CPD: variants seen among roughly 807,000 people sequenced by gnomAD.
CPD encodes carboxypeptidase D.
In CPD, 69 loss-of-function variants were observed where a neutral mutation model predicts 138.3. The ratio of observed to expected loss-of-function variants is 0.50; its 90% CI spans 0.41 to 0.61. CPD has a LOEUF of 0.61. Ranked by LOEUF, CPD falls within the 20% of genes least tolerant of loss-of-function variation. The pLI, the probability that CPD is intolerant of heterozygous loss-of-function variation, is 0.00. For synonymous variants in CPD, 651 were observed against 642.1 expected, an observed-to-expected ratio of 1.01 and a Z score of -0.21; for missense variants, 1,432 against 1,733.3, an observed-to-expected ratio of 0.83 and a Z score of 3.09.
At position 30,431,471 on chromosome 17, in the gene CPD, G is replaced by GT. The variant is rs574516491; in HGVS notation, c.2018-294dup. Among the ~76,000 whole-genome samples the GT allele has an allele frequency of 2.1e-3, 313 of 152,080 alleles. 4 individuals carry two copies. The highest frequency in any genetic ancestry group is 6.7e-3 in the African/African-American group (280 of 41,510). ...GATTTTGATGGAATCCCGTATATCT[G>GT]TTTTTTTCTTTTGTTGCTAGTCCTT... On this transcript the variant is annotated intron_variant, in intron 7 of 20. Coordinates refer to ENST00000225719, the MANE Select transcript of CPD (RefSeq NM_001304.5).
Position 30,379,175 on chromosome 17 carries a change from G to A in CPD, c.195G>A (p.Glu65=). The change falls in exon 1 of 21, where the codon GAG becomes GAA. Residue 65 remains glutamate, a synonymous_variant. Coordinates refer to ENST00000225719, the MANE Select transcript of CPD (RefSeq NM_001304.5). The surrounding 1 kb of genome is among the most constrained non-coding windows in gnomAD (Gnocchi z 7.0). ...FDRYYHEEEL[E]SALREAAAAG... Reference sequence around the variant, plus strand: ...GCTACTACCACGAAGAGGAGTTGGAGTCGGCGCTGAGGGAGGCGGCGGCCG... The same window carrying A: ...GCTACTACCACGAAGAGGAGTTGGAATCGGCGCTGAGGGAGGCGGCGGCCG... 6.5e-7 allele frequency: 1 copy of A among 1,534,052 alleles called. No homozygotes were observed. The highest frequency in any genetic ancestry group is 8.7e-7 in the Non-Finnish European group (1 of 1,143,932).
chr17:30,381,487 A>C (rs1316151673), intron 1 of CPD, among the ~76,000 whole-genome samples: 1 of 152,224 alleles, frequency 6.6e-6, no homozygotes, highest in Non-Finnish European at 1.5e-5. Flanking sequence ...CCCTAATCAT[A>C]TCTGTTCTTC....
At chr17:30,458,097 G>A (rs1913346942) in intron 17 of CPD, among the ~76,000 whole-genome samples, 1 of 152,112 alleles carries the variant, frequency 6.6e-6, no homozygotes. Flanking sequence ...GGGAGGCTGA[G>A]GCAGGAGAAT....
Position 30,395,196 on chromosome 17 carries a change from C to CTTT in CPD, c.994+9979_994+9981dup, listed in dbSNP as rs35079822. On this transcript the variant is annotated intron_variant, in intron 2 of 20. Coordinates refer to ENST00000225719, the MANE Select transcript of CPD (RefSeq NM_001304.5). ...ATATATATAAATGAACAGATGGGTG[C>CTTT]TTTTTTTTTTTTTTTTTTTTTACCT... Among the ~76,000 whole-genome samples, 238 of 97,778 alleles carry CTTT rather than the reference C, an allele frequency of 2.4e-3. 1 individual carries two copies. Among genetic ancestry groups the CTTT allele is most frequent in the African/African-American group, 8.1e-3 (212 of 26,156 alleles). 64.1% of individuals were successfully genotyped at this position (97,778 alleles called of 152,430 possible). A position where few individuals can be genotyped will look rare whatever the true frequency, so the allele number is the denominator to read the frequency against.
intron 17 of CPD, among the ~76,000 whole-genome samples, chr17:30,458,885 AAAAG>A (rs1421961857): frequency 2.0e-5 from 3 of 151,844 alleles, no homozygotes; most frequent in Admixed American, 1.3e-4. Context: ...AAAAAGAAAA[AAAAG>A]AGTTTTATGG....
At chr17:30,457,089 T>C (rs1318107641) in intron 17 of CPD, among the ~76,000 whole-genome samples, 1 of 152,116 alleles carries the variant, frequency 6.6e-6, no homozygotes, top group African/African-American at 2.4e-5. Context: ...CAAAACTTCA[T>C]TTGCCCCAGA....
At chr17:30,413,905 G>A (rs2041374) in intron 2 of CPD, among the ~76,000 whole-genome samples, 78,784 of 151,968 alleles carry the variant, frequency 0.52, 21,092 homozygotes, top group East Asian at 0.82. Flanking sequence ...AGAGAGCTGG[G>A]GTTGAGGGAG....
rs565075892 is a variant in CPD, at chr17:30,446,167, G to T, written c.2873+147G>T. 9.1e-4 allele frequency: 570 copies of T among 626,300 alleles called. 1 individual carries two copies. The highest frequency in any genetic ancestry group is 1.4e-3 in the Non-Finnish European group (512 of 369,622). 38.8% of individuals were successfully genotyped at this position (626,300 alleles called of 1,614,324 possible). On this transcript the variant is annotated intron_variant, in intron 12 of 20. Coordinates refer to ENST00000225719, the MANE Select transcript of CPD (RefSeq NM_001304.5). ...TTTACTTATTTTGCAACATGTATTT[G>T]CTTGGAGATCTTTTTTTTTTAATTA...
intron 17 of CPD, 39 bp downstream of exon 17, chr17:30,456,565 C>G (rs769292663): frequency 6.3e-7 from 1 of 1,586,436 alleles, no homozygotes. Flanking sequence ...GAGTTATGGC[C>G]AGGCACAATG....
At chr17:30,419,666 C>G (rs1912215668) in intron 2 of CPD, among the ~76,000 whole-genome samples, 1 of 152,132 alleles carries the variant, frequency 6.6e-6, no homozygotes, top group Admixed American at 6.5e-5. Flanking sequence ...TTTTAAACAT[C>G]ATAGAATGCG....
chr17:30,410,712 A>G (rs984323753), intron 2 of CPD, among the ~76,000 whole-genome samples: 1 of 152,142 alleles, frequency 6.6e-6, no homozygotes, highest in Non-Finnish European at 1.5e-5. Flanking sequence ...TTTGCTTGGT[A>G]GATCTTCCTC....
At chr17:30,397,475 A>G (rs565863884) in intron 2 of CPD, among the ~76,000 whole-genome samples, 21 of 152,266 alleles carry the variant, frequency 1.4e-4, no homozygotes, top group African/African-American at 4.6e-4. Flanking sequence ...GCTCAGGCCT[A>G]TGATCCTGGC....
intron 2 of CPD, among the ~76,000 whole-genome samples, chr17:30,415,573 CAAAT>C (rs1172712213): frequency 1.3e-5 from 2 of 151,930 alleles, no homozygotes; most frequent in Non-Finnish European, 2.9e-5. Context: ...CAATAAAAAA[CAAAT>C]AATCTAATTT....
intron 6 of CPD, among the ~76,000 whole-genome samples, chr17:30,424,322 T>G (rs1442001908): frequency 6.6e-6 from 1 of 152,194 alleles, no homozygotes; most frequent in Admixed American, 6.5e-5. Context: ...TTGTAAATGT[T>G]TCTTATCAGA....
intron 2 of CPD, among the ~76,000 whole-genome samples, chr17:30,387,362 A>G (rs532562584): frequency 6.6e-6 from 1 of 152,160 alleles, no homozygotes; most frequent in East Asian, 1.9e-4. Context: ...CGAGTGATCT[A>G]CCTGTCTCAG....
intron 7 of CPD, among the ~76,000 whole-genome samples, chr17:30,428,370 A>G (rs1597722096): frequency 6.6e-6 from 1 of 152,258 alleles, no homozygotes; most frequent in Non-Finnish European, 1.5e-5. Context: ...GCTCATGTAT[A>G]TGAATGTTCA....
chr17:30,379,656 ACCGGCGAAC>A lies in CPD; in HGVS notation c.679_687del (p.Gly227_Pro229del), dbSNP rs1910989577. On this transcript the variant is annotated inframe_deletion, in exon 1 of 21. Coordinates refer to ENST00000225719, the MANE Select transcript of CPD (RefSeq NM_001304.5). The surrounding 1 kb of genome is among the most constrained non-coding windows in gnomAD (Gnocchi z 7.0). ...CCGAAGCTTTCCCGACCAGTTTAGC[ACCGGCGAAC>A]CCCCCGCCCTGGACGAGGTGCCCGA... is the stretch of plus-strand genomic sequence containing the variant. The A allele has an allele frequency of 6.6e-7, 1 of 1,523,520 alleles. No homozygotes were observed. The highest frequency in any genetic ancestry group is 2.3e-5 in the Admixed American group (1 of 43,298). The allele number at this position is 1,523,520 out of a possible 1,614,324, so 94.4% of individuals were successfully genotyped here.
chr17:30,382,029 A>AGTTGACCGCTAT (rs1243748408), intron 1 of CPD, among the ~76,000 whole-genome samples: 2 of 152,176 alleles, frequency 1.3e-5, no homozygotes, highest in Admixed American at 6.5e-5. Flanking sequence ...ATTTTTTTAT[A>AGTTGACCGCTAT]GTTGACCGCT....
rs540445576 is a variant in CPD, at chr17:30,393,790, C to T, written c.994+8554C>T. Among the ~76,000 whole-genome samples, 4 of 152,268 alleles carry T rather than the reference C, an allele frequency of 2.6e-5. No individual in the cohort carries two copies. The South Asian group carries it at 8.3e-4, about 32-fold the overall frequency. The stretch of plus-strand genomic sequence containing the variant: ...GGGAAGATGCATCTGGTTCTGTTAG[C>T]GCTTGTGTTACTTTGTTTTTAAGAT... On this transcript the variant is annotated intron_variant, in intron 2 of 20. Coordinates refer to ENST00000225719, the MANE Select transcript of CPD (RefSeq NM_001304.5).
Sources: allele counts gnomAD v4.1 joint callset (sites outside exome capture counted in the v4.1 genomes callset), GRCh38; gene constraint gnomAD v4.1.1; non-coding constraint Gnocchi (gnomAD v3.1); transcripts MANE v1.5; gene names NCBI Gene and HGNC (gene_info 2026-07-23, HGNC 2026-07-21).